The following ELAVL2 variants were observed in gnomAD, a reference collection of about 807,000 sequenced individuals.
ELAVL2 encodes the protein ELAV like RNA binding protein 2.
In ELAVL2, 4 loss-of-function variants were observed where a neutral mutation model predicts 34.6. The observed-to-expected ratio is 0.12, with a 90% confidence interval of 0.06 to 0.26. The LOEUF is 0.26. Among genes scored for constraint, ELAVL2 ranks in the 10% least tolerant of loss-of-function variants. The pLI is 1.00. For synonymous variants in ELAVL2, 193 were observed against 154.8 expected (o/e 1.25, Z -1.83); for missense variants, 432 against 442.8 (o/e 0.98, Z 0.22).
At chr9:23,734,996 T>G (rs1375145577) in intron 2 of ELAVL2, among the ~76,000 whole-genome samples, 1 of 150,836 alleles carries the variant, frequency 6.6e-6, no homozygotes, top group African/African-American at 2.4e-5. Flanking sequence ...AAGATTCATT[T>G]CTTTAAAAAG....
At chr9:23,848,848 A>C in the ELAVL2 span, among the ~76,000 whole-genome samples, 2 of 152,204 alleles carry the variant, frequency 1.3e-5, no homozygotes, top group African/African-American at 4.8e-5. Context: ...CCCAACCTTC[A>C]AATGAGAAAA....
chr9:23,714,241 G>A (rs114431086), intron 3 of ELAVL2, among the ~76,000 whole-genome samples: 1 of 152,078 alleles, frequency 6.6e-6, no homozygotes, highest in South Asian at 2.1e-4. Context: ...AAAACTCAAG[G>A]AATACTATTA....
intron 3 of ELAVL2, among the ~76,000 whole-genome samples, chr9:23,724,075 A>C (rs1293209610): frequency 6.6e-6 from 1 of 152,166 alleles, no homozygotes. Flanking sequence ...TCTGGTATAG[A>C]CCATACTTTG....
chr9:23,778,213 T>A (rs765649984), intron 1 of ELAVL2, among the ~76,000 whole-genome samples: 7 of 151,716 alleles, frequency 4.6e-5, no homozygotes, highest in Non-Finnish European at 1.0e-4. Flanking sequence ...ACGTGCGAGG[T>A]TGAAAAGAAG....
chr9:23,732,761 G>C (rs1021789609), intron 2 of ELAVL2, among the ~76,000 whole-genome samples: 10 of 152,104 alleles, frequency 6.6e-5, no homozygotes, highest in Non-Finnish European at 1.5e-5. Context: ...GTGCAACTTT[G>C]AAGAAGCTAC....
At chr9:23,751,336 G>A (rs1048892306) in intron 2 of ELAVL2, among the ~76,000 whole-genome samples, 4 of 152,164 alleles carry the variant, frequency 2.6e-5, no homozygotes, top group Non-Finnish European at 5.9e-5. Context: ...AATTGCATCT[G>A]CTAAGTTAAC....
chr9:23,825,072 C>A (rs1001458055), intron 1 of ELAVL2, among the ~76,000 whole-genome samples: 2 of 152,292 alleles, frequency 1.3e-5, no homozygotes, highest in Non-Finnish European at 2.9e-5. Flanking sequence ...CTTTTCTGAA[C>A]AAAGGGAATC....
At chr9:23,762,649 C>CA (rs1316408809) in intron 1 of ELAVL2, among the ~76,000 whole-genome samples, 3 of 151,796 alleles carry the variant, frequency 2.0e-5, no homozygotes, top group Non-Finnish European at 2.9e-5. Flanking sequence ...CAAAAATGAA[C>CA]AAAAAAATGA....
intron 1 of ELAVL2, among the ~76,000 whole-genome samples, chr9:23,791,598 G>C (rs1358115287): frequency 6.6e-6 from 1 of 151,312 alleles, no homozygotes; most frequent in Non-Finnish European, 1.5e-5. Context: ...AAATAATTAA[G>C]AATAAATGAG....
chr9:23,701,659 G>A (rs1424442399), intron 4 of ELAVL2, 55 bp from the exon 5 acceptor site: 7 of 1,564,470 alleles, frequency 4.5e-6, no homozygotes, highest in African/African-American at 1.4e-5. Context: ...GAGAAGGGAA[G>A]GAGAGAAGAA....
At chr9:23,732,999 G>T (rs2046959726) in intron 2 of ELAVL2, among the ~76,000 whole-genome samples, 1 of 151,492 alleles carries the variant, frequency 6.6e-6, no homozygotes, top group Non-Finnish European at 1.5e-5. Flanking sequence ...AAAAAGAAAA[G>T]GGCAATACAA....
chr9:23,724,367 T>A (rs2044537663), intron 3 of ELAVL2, among the ~76,000 whole-genome samples: 1 of 152,166 alleles, frequency 6.6e-6, no homozygotes, highest in Non-Finnish European at 1.5e-5. Context: ...GTTATTGCCC[T>A]TTGAGAATTC....
Position 23,765,455 on chromosome 9 carries a change from G to A in ELAVL2, c.-15-3206C>T, listed in dbSNP as rs2056026654. Among the ~76,000 whole-genome samples the A allele has an allele frequency of 1.3e-5, 2 of 152,268 alleles. 1 individual carries two copies. Among genetic ancestry groups the A allele is most frequent in the Admixed American group, 1.3e-4 (2 of 15,286 alleles). On this transcript the variant is annotated intron_variant, in intron 1 of 6. Transcript: ENST00000397312. ...TATCTCTTAAGGATGTGGGAGAAGG[G>A]AGGAAATGTGAATGAAATTTTATAG... is the stretch of plus-strand genomic sequence containing the variant.
At chr9:23,788,800 G>A (rs1036640887) in intron 1 of ELAVL2, among the ~76,000 whole-genome samples, 6 of 152,138 alleles carry the variant, frequency 3.9e-5, no homozygotes, top group African/African-American at 1.4e-4. Flanking sequence ...TATACTAAGG[G>A]ACTAACAGCA....
intron 1 of ELAVL2, among the ~76,000 whole-genome samples, chr9:23,811,500 G>A (rs373096408): frequency 6.6e-6 from 1 of 152,214 alleles, no homozygotes; most frequent in African/African-American, 2.4e-5. Context: ...GCAAGGAGAA[G>A]GCATAGATCA....
At chr9:23,835,302 T>G in the ELAVL2 span, among the ~76,000 whole-genome samples, 1 of 152,100 alleles carries the variant, frequency 6.6e-6, no homozygotes, top group African/African-American at 2.4e-5. Context: ...GCATACATTA[T>G]TCTTATTTAT....
At chr9:23,776,496 A>C (rs2058210961) in intron 1 of ELAVL2, among the ~76,000 whole-genome samples, 1 of 151,840 alleles carries the variant, frequency 6.6e-6, no homozygotes, top group African/African-American at 2.4e-5. Context: ...GAGTAAAGAA[A>C]CTCCCCAAGG....
At chr9:23,798,330 C>CA (rs1215817362) in intron 1 of ELAVL2, among the ~76,000 whole-genome samples, 1 of 152,190 alleles carries the variant, frequency 6.6e-6, no homozygotes, top group Non-Finnish European at 1.5e-5. Context: ...TGTTACTGTG[C>CA]ACTCTGAAGC....
chr9:23,849,625 A>C, the ELAVL2 span: 2 of 152,148 alleles, frequency 1.3e-5, no homozygotes, highest in African/African-American at 4.8e-5. Flanking sequence ...CCTTCCCTGC[A>C]CCTCTCCCCT....
Sources: gnomAD v4.1 joint callset for allele counts (sites outside exome capture counted in the v4.1 genomes callset) on GRCh38, gnomAD v4.1.1 for gene constraint, MANE v1.5 for transcripts, NCBI Gene and HGNC (gene_info 2026-07-23, HGNC 2026-07-21) for gene names.